Variants in PATJ observed in about 807,000 individuals in gnomAD.
PATJ encodes PATJ crumbs cell polarity complex component.
PATJ carries 190 observed loss-of-function variants against 224.9 expected under a neutral mutation model. The observed-to-expected ratio is 0.84, with a 90% CI of 0.75 to 0.95. PATJ has a LOEUF of 0.95. Ranked by LOEUF, PATJ falls within the 40% of genes least tolerant of loss-of-function variation. The probability of loss-of-function intolerance (pLI) is 0.00; values close to 1 mark genes in which losing one functional copy is unlikely to be tolerated. For synonymous variants in PATJ, 769 were observed against 820.3 expected, an observed-to-expected ratio of 0.94 and a Z score of 1.07; for missense variants, 2,121 against 2,270.3, an observed-to-expected ratio of 0.93 and a Z score of 1.34.
At chr1:62,031,365 A>G (rs1223339210) in intron 29 of PATJ, among the ~76,000 whole-genome samples, 1 of 152,218 alleles carries the variant, frequency 6.6e-6, no homozygotes, top group African/African-American at 2.4e-5. Context: ...AATATTCACC[A>G]CTATACCTGC....
chr1:61,827,589 A>G lies in PATJ; in HGVS notation c.1980+6A>G. 6.2e-7 allele frequency: 1 copy of G among 1,613,192 alleles called. No individual in the cohort carries two copies. Among genetic ancestry groups the G allele is most frequent in the Non-Finnish European group, 8.5e-7 (1 of 1,179,496 alleles). ...CCTCTCTTCCTGAGACAGAGGTACT[A>G]AATGAATATAGTGCATTTCCCATAG... On this transcript the variant is annotated splice_donor_region_variant and intron_variant, in intron 16 of 43. Coordinates refer to ENST00000642238, the MANE Select transcript of PATJ (RefSeq NM_001350145.3).
At chr1:61,756,436 A>G (rs562140584) in intron 1 of PATJ, among the ~76,000 whole-genome samples, 1 of 152,138 alleles carries the variant, frequency 6.6e-6, no homozygotes, top group Non-Finnish European at 1.5e-5. Flanking sequence ...GACCTACTGA[A>G]TCAGTAACTC....
intron 25 of PATJ, 48 bp from the exon 26 acceptor site, chr1:61,914,539 T>C (rs368604683): frequency 8.0e-6 from 7 of 872,304 alleles, no homozygotes; most frequent in African/African-American, 6.8e-5. Flanking sequence ...GGAATGATTA[T>C]GTCGTTTAAA....
intron 31 of PATJ, 146 bp from the exon 32 acceptor site, chr1:62,079,303 CT>C: frequency 1.7e-6 from 1 of 594,546 alleles, no homozygotes; most frequent in South Asian, 2.1e-5. Flanking sequence ...ATAAATCATC[CT>C]AACTTCTTGC....
At chr1:61,909,859 T>C (rs1027717834) in intron 25 of PATJ, among the ~76,000 whole-genome samples, 3 of 152,228 alleles carry the variant, frequency 2.0e-5, no homozygotes, top group African/African-American at 4.8e-5. Flanking sequence ...ATATTTTGCA[T>C]GCTTGTAATC....
rs1346085654 is a variant in PATJ, at chr1:61,856,100, G to T, written c.2183G>T (p.Ser728Ile). 2 of 1,614,042 alleles carry T rather than the reference G, an allele frequency of 1.2e-6. No individual in the cohort carries two copies. The highest frequency in any genetic ancestry group is 1.3e-5 in the African/African-American group (1 of 74,942). The part of the protein sequence containing the change: ...SLVADGVAER[S>I]GGLLPGDRLV... Reference sequence around the variant, plus strand: ...GTAGCAGATGGTGTAGCAGAAAGAAGTGGGGGACTATTACCTGGAGACCGC... The same window carrying T: ...GTAGCAGATGGTGTAGCAGAAAGAATTGGGGGACTATTACCTGGAGACCGC... Residue 728 changes from serine to isoleucine, a missense_variant, in exon 18 of 44, where the codon AGT becomes ATT. By Grantham distance (142) the Ser-to-Ile change is moderately radical. Coordinates refer to ENST00000642238, the MANE Select transcript of PATJ (RefSeq NM_001350145.3).
chr1:62,112,155 TTTCCCGTAACCATTC>T (rs1663899201), intron 34 of PATJ, among the ~76,000 whole-genome samples: 1 of 152,214 alleles, frequency 6.6e-6, no homozygotes, highest in Non-Finnish European at 1.5e-5. Flanking sequence ...TCCTTTCTCC[TTTCCCGTAACCATTC>T]TTTATGCCAC....
intron 12 of PATJ, among the ~76,000 whole-genome samples, chr1:61,805,183 C>T (rs947514244): frequency 5.3e-5 from 8 of 152,154 alleles, no homozygotes; most frequent in African/African-American, 9.7e-5. Context: ...TAACTCATCA[C>T]GTCCTCTTTC....
chr1:61,933,796 C>G (rs1331697957), intron 27 of PATJ, among the ~76,000 whole-genome samples: 1 of 152,184 alleles, frequency 6.6e-6, no homozygotes, highest in Non-Finnish European at 1.5e-5. Context: ...TCAGTTTTGG[C>G]TCAAGCCATT....
At chr1:62,043,640 T>A (rs1252424111) in intron 30 of PATJ, among the ~76,000 whole-genome samples, 1 of 152,130 alleles carries the variant, frequency 6.6e-6, no homozygotes, top group Non-Finnish European at 1.5e-5. Context: ...AAAACAGGAT[T>A]TTTTTTCCTT....
At chr1:61,878,852 C>T (rs1471323092) in intron 21 of PATJ, among the ~76,000 whole-genome samples, 5 of 151,472 alleles carry the variant, frequency 3.3e-5, no homozygotes, top group South Asian at 2.1e-4. Flanking sequence ...GGCACAATCT[C>T]GGCTCACTAC....
intron 6 of PATJ, among the ~76,000 whole-genome samples, chr1:61,772,724 A>G (rs1386078646): frequency 6.6e-6 from 1 of 152,198 alleles, no homozygotes; most frequent in Admixed American, 6.5e-5. Flanking sequence ...ATAAAGAACA[A>G]GGGCTTTGGA....
intron 1 of PATJ, among the ~76,000 whole-genome samples, chr1:61,744,123 C>T (rs1003039106): frequency 2.6e-5 from 4 of 151,862 alleles, no homozygotes; most frequent in Non-Finnish European, 4.4e-5. Context: ...GGAGACCAGC[C>T]TGAGCAACAT....
At chr1:61,810,008 C>T (rs951034956) in intron 14 of PATJ, among the ~76,000 whole-genome samples, 8 of 151,766 alleles carry the variant, frequency 5.3e-5, no homozygotes, top group East Asian at 2.0e-4. Flanking sequence ...TCACCACCCC[C>T]GGCTAATTTT....
chr1:62,053,582 G>A (rs1438628063), intron 31 of PATJ, among the ~76,000 whole-genome samples: 1 of 152,182 alleles, frequency 6.6e-6, no homozygotes, highest in African/African-American at 2.4e-5. Flanking sequence ...AGCCAGGCAT[G>A]ATGGCGCATG....
chr1:62,122,497 A>G lies in PATJ; in HGVS notation c.5006-524A>G, dbSNP rs553527221. Among the ~76,000 whole-genome samples the G allele has an allele frequency of 2.6e-5, 4 of 151,444 alleles. No homozygotes were observed. The East Asian group carries it at 7.8e-4, about 30-fold the overall frequency. On this transcript the variant is annotated intron_variant, in intron 38 of 43. Transcript: ENST00000642238. ...TGTCAGACCAAATGGTTATGGCCAC[A>G]TTGATCTCAAACAGAGAGCACTTCT...
intron 12 of PATJ, among the ~76,000 whole-genome samples, chr1:61,802,254 G>T (rs1226260156): frequency 6.6e-6 from 1 of 151,774 alleles, no homozygotes; most frequent in Middle Eastern, 3.2e-3. Context: ...CCACCACACT[G>T]GGCTAATTTT....
chr1:61,775,385 A>G (rs1646857567), intron 7 of PATJ, 51 bp downstream of exon 7: 1 of 1,492,730 alleles, frequency 6.7e-7, no homozygotes, highest in African/African-American at 1.4e-5. Flanking sequence ...TTTAAGTTGT[A>G]TGAATTGAAA....
At chr1:61,864,186 G>A (rs1665051160) in intron 19 of PATJ, 52 bp from the exon 20 acceptor site, 2 of 1,501,138 alleles carry the variant, frequency 1.3e-6, no homozygotes, top group South Asian at 1.3e-5. Context: ...TCTATATAGT[G>A]CAGCTTCAGG....
Sources: allele counts gnomAD v4.1 joint callset (sites outside exome capture counted in the v4.1 genomes callset), GRCh38; gene constraint gnomAD v4.1.1; transcripts MANE v1.5; gene names NCBI Gene and HGNC (gene_info 2026-07-23, HGNC 2026-07-21).